The following DGKI variants were observed in gnomAD, a reference collection of about 807,000 sequenced individuals.
The protein encoded by DGKI is DAG kinase iota.
In DGKI, 55 loss-of-function variants were observed where a neutral mutation model predicts 147.5. That is an observed-to-expected ratio of 0.37 (90% CI 0.30 to 0.47). The LOEUF (loss-of-function observed/expected upper bound fraction) is 0.47. DGKI is among the 20% of genes least tolerant of loss of function. DGKI has a pLI of 1.00. For missense variants in DGKI, 1,007 were observed against 1,323.8 expected (o/e 0.76, Z 3.71); for synonymous variants, 469 against 477.1 (o/e 0.98, Z 0.22).
At chr7:137,731,803 A>T (rs770513129) in intron 1 of DGKI, among the ~76,000 whole-genome samples, 2 of 152,092 alleles carry the variant, frequency 1.3e-5, no homozygotes, top group African/African-American at 4.8e-5. Context: ...ACCTTCAGGA[A>T]CCTGCTGAAA....
chr7:137,489,360 G>T (rs1028840558), intron 21 of DGKI, among the ~76,000 whole-genome samples: 3 of 152,260 alleles, frequency 2.0e-5, no homozygotes, highest in Admixed American at 2.0e-4. Flanking sequence ...GTCAGTAGAG[G>T]ATAAGGAGCA....
At chr7:137,524,024 C>G (rs117331492) in intron 20 of DGKI, among the ~76,000 whole-genome samples, 3 of 151,352 alleles carry the variant, frequency 2.0e-5, no homozygotes, top group Non-Finnish European at 2.9e-5. Context: ...ATGGATTTGA[C>G]GGCAAAACTA....
chr7:137,811,980 C>T (rs939012024), intron 1 of DGKI, among the ~76,000 whole-genome samples: 3 of 152,144 alleles, frequency 2.0e-5, no homozygotes, highest in Admixed American at 2.0e-4. Context: ...CTTGTTTTGT[C>T]TCCCTCACAA....
At chr7:137,592,252 T>A (rs1432195256) in intron 12 of DGKI, among the ~76,000 whole-genome samples, 2 of 152,254 alleles carry the variant, frequency 1.3e-5, no homozygotes, top group Non-Finnish European at 2.9e-5. Context: ...ACCCTTTCAA[T>A]TAAATTATTT....
intron 1 of DGKI, among the ~76,000 whole-genome samples, chr7:137,753,574 G>C (rs1795582119): frequency 6.6e-6 from 1 of 152,182 alleles, no homozygotes; most frequent in African/African-American, 2.4e-5. Context: ...ACTTAGAGAG[G>C]AACGGGTTGT....
chr7:137,502,833 G>A (rs1214898356), intron 21 of DGKI, among the ~76,000 whole-genome samples: 2 of 152,036 alleles, frequency 1.3e-5, no homozygotes, highest in Non-Finnish European at 2.9e-5. Flanking sequence ...TGCACATAAG[G>A]ATGGAGTTTC....
intron 1 of DGKI, among the ~76,000 whole-genome samples, chr7:137,774,007 T>C (rs540528012): frequency 1.3e-5 from 2 of 152,346 alleles, no homozygotes; most frequent in East Asian, 3.9e-4. Context: ...ACAGTATGTA[T>C]GGTAATACTT....
At chr7:137,817,284 T>C (rs1797768094) in intron 1 of DGKI, among the ~76,000 whole-genome samples, 1 of 152,196 alleles carries the variant, frequency 6.6e-6, no homozygotes, top group Non-Finnish European at 1.5e-5. Context: ...GTCTAATTCA[T>C]TTGTATTCAG....
chr7:137,519,502 G>T (rs977775844), intron 21 of DGKI, among the ~76,000 whole-genome samples: 3 of 152,038 alleles, frequency 2.0e-5, no homozygotes, highest in Non-Finnish European at 4.4e-5. Flanking sequence ...GACCTAAGAG[G>T]ATTCACTCTC....
intron 19 of DGKI, among the ~76,000 whole-genome samples, chr7:137,562,455 G>A (rs1818450200): frequency 6.6e-6 from 1 of 152,170 alleles, no homozygotes; most frequent in Admixed American, 6.5e-5. Flanking sequence ...AGAATCACCT[G>A]AACCTAGGAG....
intron 1 of DGKI, among the ~76,000 whole-genome samples, chr7:137,698,506 C>T (rs1823870591): frequency 2.6e-5 from 4 of 152,134 alleles, no homozygotes; most frequent in Admixed American, 2.6e-4. Flanking sequence ...TTTACATCAA[C>T]CAGTCTTTGA....
rs566698992 is a variant in DGKI at position 137,555,156 on chromosome 7, C to T, written c.1948-2588G>A. Among the ~76,000 whole-genome samples, 14 of 151,700 alleles carry T rather than the reference C, an allele frequency of 9.2e-5. No individual in the cohort carries two copies. In the South Asian group the frequency reaches 2.9e-3, roughly 32 times the overall value. ...GTCTCAATCTTCTGACTTCGTGATC[C>T]TCCCGCCTCGGCCTCCCAAAGTGCT... is the stretch of plus-strand genomic sequence containing the variant. On this transcript the variant is annotated intron_variant, in intron 19 of 32. Coordinates refer to ENST00000614521, the MANE Select transcript of DGKI (RefSeq NM_001321708.2).
intron 1 of DGKI, among the ~76,000 whole-genome samples, chr7:137,760,380 TG>T (rs1227311868): frequency 3.3e-5 from 5 of 152,218 alleles, no homozygotes; most frequent in Admixed American, 2.6e-4. Flanking sequence ...CTAAACAAGC[TG>T]GCTCTGCTCC....
intron 23 of DGKI, among the ~76,000 whole-genome samples, chr7:137,478,730 G>T (rs917649682): frequency 6.6e-6 from 1 of 152,088 alleles, no homozygotes; most frequent in Non-Finnish European, 1.5e-5. Flanking sequence ...AAAACTAATG[G>T]CTCCTGGAAA....
chr7:137,692,257 T>C (rs1823640290), intron 1 of DGKI, among the ~76,000 whole-genome samples: 2 of 152,156 alleles, frequency 1.3e-5, no homozygotes, highest in Non-Finnish European at 2.9e-5. Context: ...GTTTTCCTCA[T>C]AAGAAAATCA....
rs557648782 is a variant in DGKI at position 137,513,427 on chromosome 7, T to TA, written c.2248+8438dup. 5.3e-5 allele frequency among the ~76,000 whole-genome samples: 8 copies of TA among 152,050 alleles called. No individual in the cohort carries two copies. In the South Asian group the frequency reaches 6.2e-4, roughly 12 times the overall value. The stretch of plus-strand genomic sequence containing the variant: ...ACACTTGCTGTATTATCTTACAAAT[T>TA]AAAAAAAAGAATCCTCCTTTGATTC... On this transcript the variant is annotated intron_variant, in intron 21 of 32. Transcript: ENST00000614521.
intron 1 of DGKI, among the ~76,000 whole-genome samples, chr7:137,809,873 T>C (rs770654666): frequency 7.3e-5 from 11 of 151,568 alleles, no homozygotes; most frequent in Non-Finnish European, 1.3e-4. Flanking sequence ...CACTGCACTC[T>C]AGCCTGAGCA....
In DGKI at chr7:137,535,487, C is replaced by A. The variant is rs369726314; in HGVS notation, c.2148-13521G>T. On this transcript the variant is annotated intron_variant, in intron 20 of 32. Transcript: ENST00000614521. The stretch of plus-strand genomic sequence containing the variant: ...AAATGTTTCCCCCTCCTTTTCCCTG[C>A]CAAACATACCTGGCACATGTACTAC... Among the ~76,000 whole-genome samples, 17 of 151,882 alleles carry A rather than the reference C, an allele frequency of 1.1e-4. No homozygotes were observed. The South Asian group carries it at 3.1e-3, about 28-fold the overall frequency.
chr7:137,607,506 A>T (rs1820222790), intron 10 of DGKI, among the ~76,000 whole-genome samples: 1 of 152,238 alleles, frequency 6.6e-6, no homozygotes, highest in African/African-American at 2.4e-5. Context: ...TCCTTAAAGA[A>T]ATAGATAACT....
Sources: allele counts gnomAD v4.1 joint callset (sites outside exome capture counted in the v4.1 genomes callset), GRCh38; gene constraint gnomAD v4.1.1; transcripts MANE v1.5; gene names NCBI Gene and HGNC (gene_info 2026-07-23, HGNC 2026-07-21).